Variants in NKAIN3 observed in about 807,000 individuals in gnomAD.
NKAIN3 encodes the protein sodium/potassium transporting ATPase interacting 3, also known as sodium/potassium-transporting ATPase subunit beta-1-interacting protein 3.
Under a neutral mutation model 30.2 loss-of-function variants are expected in NKAIN3, and 25 were observed. The observed-to-expected ratio is 0.83, with a 90% CI of 0.60 to 1.16. The LOEUF is 1.16. NKAIN3 is among the 50% of genes most tolerant of loss of function. The pLI, the probability that NKAIN3 is intolerant of heterozygous loss-of-function variation, is 0.00. For missense variants in NKAIN3, 225 were observed against 254.1 expected (o/e 0.89, Z 0.78); for synonymous variants, 91 against 89.6 (o/e 1.02, Z -0.09).
intron 6 of NKAIN3, among the ~76,000 whole-genome samples, chr8:62,957,317 G>T (rs2033870571): frequency 6.6e-6 from 1 of 152,128 alleles, no homozygotes; most frequent in South Asian, 2.1e-4. Context: ...TGTATTTTTA[G>T]TAGAGACGGG....
At chr8:62,419,225 C>T (rs967210858) in intron 1 of NKAIN3, among the ~76,000 whole-genome samples, 8 of 152,158 alleles carry the variant, frequency 5.3e-5, no homozygotes, top group Admixed American at 5.2e-4. Flanking sequence ...CAGGCAATTT[C>T]ATCTGTCTCT....
intron 3 of NKAIN3, among the ~76,000 whole-genome samples, chr8:62,591,920 G>C (rs1024397475): frequency 6.6e-6 from 1 of 151,948 alleles, no homozygotes; most frequent in Admixed American, 6.6e-5. Flanking sequence ...CATTGTGTAG[G>C]AAACTCCTCG....
intron 4 of NKAIN3, among the ~76,000 whole-genome samples, chr8:62,859,077 C>T (rs1378610668): frequency 6.6e-6 from 1 of 152,164 alleles, no homozygotes; most frequent in Non-Finnish European, 1.5e-5. Flanking sequence ...GGTGTGGGCT[C>T]ATAAGGGGAT....
chr8:62,723,351 G>T (rs1401597238), intron 3 of NKAIN3, among the ~76,000 whole-genome samples: 1 of 152,092 alleles, frequency 6.6e-6, no homozygotes, highest in African/African-American at 2.4e-5. Context: ...TAAAATGTGT[G>T]CATACATGCA....
intron 1 of NKAIN3, among the ~76,000 whole-genome samples, chr8:62,348,744 A>C (rs1554520617): frequency 6.6e-6 from 1 of 152,236 alleles, no homozygotes; most frequent in Non-Finnish European, 1.5e-5. Flanking sequence ...ATGTTGTATA[A>C]GAAACTGTTG....
At chr8:62,567,797 A>G (rs1174594699) in intron 1 of NKAIN3, among the ~76,000 whole-genome samples, 1 of 152,132 alleles carries the variant, frequency 6.6e-6, no homozygotes, top group Non-Finnish European at 1.5e-5. Flanking sequence ...CCTGTTTCAG[A>G]TTCTGGACTA....
chr8:62,740,023 T>C (rs544644484), intron 3 of NKAIN3, among the ~76,000 whole-genome samples: 1 of 152,322 alleles, frequency 6.6e-6, no homozygotes, highest in South Asian at 2.1e-4. Context: ...AAATATCATA[T>C]AATTTTTGAT....
intron 1 of NKAIN3, among the ~76,000 whole-genome samples, chr8:62,572,927 A>G (rs1809993278): frequency 6.6e-6 from 1 of 152,152 alleles, no homozygotes; most frequent in Non-Finnish European, 1.5e-5. Flanking sequence ...AGGCACTCCC[A>G]TTTGTCTCTA....
At chr8:62,892,960 G>A (rs1388161994) in intron 4 of NKAIN3, among the ~76,000 whole-genome samples, 1 of 152,078 alleles carries the variant, frequency 6.6e-6, no homozygotes, top group Non-Finnish European at 1.5e-5. Flanking sequence ...AACTCAATAG[G>A]CTTTATTCCA....
At chr8:62,419,994 G>A (rs1213133863) in intron 1 of NKAIN3, among the ~76,000 whole-genome samples, 1 of 152,036 alleles carries the variant, frequency 6.6e-6, no homozygotes, top group Non-Finnish European at 1.5e-5. Flanking sequence ...TAAACTAGGT[G>A]ACCAAATTTA....
At chr8:62,762,890 A>T (rs1215383627) in intron 4 of NKAIN3, among the ~76,000 whole-genome samples, 1 of 152,114 alleles carries the variant, frequency 6.6e-6, no homozygotes, top group Non-Finnish European at 1.5e-5. Context: ...AGACTAAAAA[A>T]AAAATTCAAT....
chr8:62,635,717 A>G (rs987639302), intron 3 of NKAIN3, among the ~76,000 whole-genome samples: 10 of 152,168 alleles, frequency 6.6e-5, no homozygotes, highest in Admixed American at 5.2e-4. Context: ...CTCACAAGAC[A>G]CCAAATCTGC....
chr8:62,851,235 C>A (rs375258520), intron 4 of NKAIN3, among the ~76,000 whole-genome samples: 57 of 151,928 alleles, frequency 3.8e-4, no homozygotes, highest in African/African-American at 1.1e-3. Flanking sequence ...ATGGGAGTTC[C>A]CTCATGATTT....
chr8:62,929,481 A>G (rs577235987), intron 5 of NKAIN3, among the ~76,000 whole-genome samples: 2 of 152,356 alleles, frequency 1.3e-5, no homozygotes, highest in African/African-American at 4.8e-5. Flanking sequence ...ACTTAAGGAA[A>G]ACAAACACTT....
chr8:62,938,609 G>T (rs1333130178), intron 5 of NKAIN3, among the ~76,000 whole-genome samples: 6 of 152,158 alleles, frequency 3.9e-5, no homozygotes, highest in African/African-American at 1.4e-4. Flanking sequence ...CCAGCCCAGA[G>T]CCCGGTAGCT....
chr8:62,764,042 A>T (rs1171033520), intron 4 of NKAIN3, among the ~76,000 whole-genome samples: 1 of 152,148 alleles, frequency 6.6e-6, no homozygotes, highest in Non-Finnish European at 1.5e-5. Flanking sequence ...GGTTTACCTT[A>T]GGTTTGGAAT....
chr8:62,831,358 C>G (rs1472469434), intron 4 of NKAIN3, among the ~76,000 whole-genome samples: 7 of 152,142 alleles, frequency 4.6e-5, no homozygotes, highest in Non-Finnish European at 1.0e-4. Flanking sequence ...AAGAATCACA[C>G]TAGCTCTCCA....
chr8:62,443,668 G>A (rs184226752), intron 1 of NKAIN3, among the ~76,000 whole-genome samples: 123 of 152,126 alleles, frequency 8.1e-4, no homozygotes, highest in African/African-American at 2.6e-3. Flanking sequence ...ATTGGGGTGC[G>A]TGAGTCACCA....
At chr8:62,949,196 CGAA>C (rs1823210569) in intron 5 of NKAIN3, among the ~76,000 whole-genome samples, 2 of 152,158 alleles carry the variant, frequency 1.3e-5, no homozygotes. Context: ...CAGCACGAGA[CGAA>C]GGAGAGTCAA....
Sources: allele counts gnomAD v4.1 joint callset (sites outside exome capture counted in the v4.1 genomes callset), GRCh38; gene constraint gnomAD v4.1.1; transcripts MANE v1.5; gene names NCBI Gene and HGNC (gene_info 2026-07-23, HGNC 2026-07-21).